BANP: variants seen among roughly 807,000 people sequenced by gnomAD.
BANP encodes BTG3 associated nuclear protein, also known as protein BANP.
BANP carries 11 observed loss-of-function variants against 68.1 expected under a neutral mutation model. The ratio of observed to expected loss-of-function variants is 0.16; its 90% confidence interval spans 0.10 to 0.27. The LOEUF (loss-of-function observed/expected upper bound fraction) is 0.27. Ranked by LOEUF, BANP falls within the 10% of genes least tolerant of loss-of-function variation. The pLI, the probability that BANP is intolerant of heterozygous loss-of-function variation, is 1.00. For missense variants in BANP, 504 were observed against 722.7 expected, an observed-to-expected ratio of 0.70 and a Z score of 3.47; for synonymous variants, 329 against 303.2, an observed-to-expected ratio of 1.09 and a Z score of -0.88.
At chr16:87,955,573 C>G (rs370565369) in intron 1 of BANP, among the ~76,000 whole-genome samples, 146 of 152,336 alleles carry the variant, frequency 9.6e-4, no homozygotes, top group African/African-American at 3.3e-3. Flanking sequence ...CTTGCTGTTT[C>G]GGGATCCCCT....
At chr16:87,976,600 G>C (rs1369787576) in intron 2 of BANP, among the ~76,000 whole-genome samples, 1 of 151,022 alleles carries the variant, frequency 6.6e-6, no homozygotes, top group Admixed American at 6.6e-5. Flanking sequence ...AGGAATGTTT[G>C]AATTGAAATG....
chr16:88,035,423 C>G lies in BANP; in HGVS notation c.1272+29C>G, dbSNP rs1396471467. On this transcript the variant is annotated intron_variant, in intron 10 of 13. Transcript: ENST00000682872. ...AGTCAGCTCTCGCTGCAGCACTGTCCCTGCAGGCACCGTGCCCACATGCTC... is the reference window on the plus strand; with the variant it reads ...AGTCAGCTCTCGCTGCAGCACTGTCGCTGCAGGCACCGTGCCCACATGCTC... 3 of 1,567,552 alleles carry G rather than the reference C, an allele frequency of 1.9e-6. No homozygotes were observed. In the Admixed American group the frequency reaches 5.3e-5, roughly 28 times the overall value.
At chr16:88,017,496 T>A (rs1320964996) in intron 6 of BANP, 1 of 152,240 alleles carries the variant, frequency 6.6e-6, no homozygotes, top group Non-Finnish European at 1.5e-5. Flanking sequence ...CATACCGTAC[T>A]TGGTCAACCT....
chr16:88,061,722 A>G lies in BANP; in HGVS notation c.1312-3545A>G, dbSNP rs540624507. ...CTTTTGTTGCCCAGGCTGGAGTGCA[A>G]TGGCACGATCTCGGCTCACCGCAAC... On this transcript the variant is annotated intron_variant, in intron 11 of 13. Coordinates refer to ENST00000682872, the MANE Select transcript of BANP (RefSeq NM_001386991.1). Among the ~76,000 whole-genome samples, 133 of 151,152 alleles carry G rather than the reference A, an allele frequency of 8.8e-4. No homozygotes were observed. In the Middle Eastern group the frequency reaches 0.014, roughly 16 times the overall value.
intron 1 of BANP, among the ~76,000 whole-genome samples, chr16:87,961,026 A>AT (rs1301235526): frequency 6.6e-6 from 1 of 152,172 alleles, no homozygotes; most frequent in Non-Finnish European, 1.5e-5. Context: ...ACTGAACAAC[A>AT]TTTGCAAGAG....
chr16:88,058,745 A>G (rs1056030519), intron 11 of BANP, among the ~76,000 whole-genome samples: 2 of 152,132 alleles, frequency 1.3e-5, no homozygotes, highest in African/African-American at 4.8e-5. Context: ...ACTCGGACCC[A>G]TGGCTGCTCT....
intron 3 of BANP, among the ~76,000 whole-genome samples, chr16:87,981,414 C>A (rs563309257): frequency 1.3e-5 from 2 of 152,226 alleles, no homozygotes; most frequent in East Asian, 3.8e-4. Context: ...GTGTCTGTGA[C>A]TGTTTCCCCT....
intron 13 of BANP, 145 bp from the exon 14 acceptor site, chr16:88,076,445 T>G: frequency 1.5e-6 from 1 of 646,152 alleles, no homozygotes; most frequent in East Asian, 3.0e-5. Flanking sequence ...CCAAGTCGGG[T>G]GAGCCTTGGG....
intron 4 of BANP, among the ~76,000 whole-genome samples, chr16:87,992,416 G>A (rs1339206040): frequency 6.6e-6 from 1 of 152,144 alleles, no homozygotes; most frequent in Non-Finnish European, 1.5e-5. Context: ...ATGTTTCTGT[G>A]AGATTAGTTT....
chr16:88,032,914 G>A (rs2078510592), intron 8 of BANP, among the ~76,000 whole-genome samples, 195 bp from the exon 9 acceptor site: 1 of 152,222 alleles, frequency 6.6e-6, no homozygotes. Context: ...TTCCATGTCG[G>A]AAGCCTCAGT....
intron 6 of BANP, among the ~76,000 whole-genome samples, chr16:88,010,750 A>G (rs2072851636): frequency 6.6e-6 from 1 of 152,262 alleles, no homozygotes; most frequent in Admixed American, 6.5e-5. Flanking sequence ...ATGCACGTGG[A>G]AAGGAGAACG....
Position 88,005,327 on chromosome 16 carries a change from C to T in BANP, c.480-763C>T, listed in dbSNP as rs551732241. Among the ~76,000 whole-genome samples the T allele has an allele frequency of 4.6e-5, 7 of 152,318 alleles. 1 individual carries two copies. The South Asian group carries it at 1.2e-3, about 27-fold the overall frequency. ...CCAGGCCAGAAAGTGCAGAGTGCAG[C>T]GCCCTCCTCTGGGTGCGGCCAGTGT... On this transcript the variant is annotated intron_variant, in intron 5 of 13. Coordinates refer to ENST00000682872, the MANE Select transcript of BANP (RefSeq NM_001386991.1).
intron 11 of BANP, among the ~76,000 whole-genome samples, chr16:88,052,759 A>G (rs1238849233): frequency 6.6e-6 from 1 of 151,494 alleles, no homozygotes; most frequent in Non-Finnish European, 1.5e-5. Flanking sequence ...CACCTTTACC[A>G]TTACCATCTC....
At chr16:87,963,538 G>C (rs1402138133) in intron 1 of BANP, 1 of 152,244 alleles carries the variant, frequency 6.6e-6, no homozygotes, top group Non-Finnish European at 1.5e-5. Context: ...ACACATCTGG[G>C]CTATATTGTT....
chr16:87,978,841 C>G, intron 2 of BANP: 1 of 324,210 alleles, frequency 3.1e-6, no homozygotes, highest in South Asian at 2.3e-5. Flanking sequence ...CCCCATCACA[C>G]AGCAAGCGTC....
rs1237758852 is a variant in BANP, at chr16:88,072,054, T to C, written c.1378-15T>C. ...GGGCCACGCCGCTGACGGGCCCCCG[T>C]GTGTCTCCCTCCAGGTGCTGCAGGG... is the stretch of plus-strand genomic sequence containing the variant. On this transcript the variant is annotated splice_polypyrimidine_tract_variant and intron_variant, in intron 12 of 13. Coordinates refer to ENST00000682872, the MANE Select transcript of BANP (RefSeq NM_001386991.1). 1 of 1,560,470 alleles carries C rather than the reference T, an allele frequency of 6.4e-7. No homozygotes were observed. Among genetic ancestry groups the C allele is most frequent in the Admixed American group, 1.9e-5 (1 of 51,772 alleles).
At position 88,003,548 on chromosome 16, in the gene BANP, T is replaced by C. The variant is rs1245659553; in HGVS notation, c.363-747T>C. 2.2e-6 allele frequency: 1 copy of C among 456,246 alleles called. No individual in the cohort carries two copies. The allele number at this position is 456,246 out of a possible 1,614,324, so 28.3% of individuals were successfully genotyped here. ...GAAAGTGCTAAGGCTTAAAAACGCA[T>C]GATTGAAAACTGTGGGTGAGTCTGT... On this transcript the variant is annotated intron_variant, in intron 4 of 13. Transcript: ENST00000682872. This position sits in a 1 kb window ranked among gnomAD's most constrained non-coding sequence, Gnocchi z 6.1.
intron 11 of BANP, 119 bp downstream of exon 11, chr16:88,038,130 C>T (rs1424795318): frequency 6.0e-5 from 33 of 551,502 alleles, no homozygotes; most frequent in South Asian, 2.7e-4. Flanking sequence ...GTGGGCATTG[C>T]GCTGCCGAGG....
In BANP at chr16:88,064,011, G is replaced by A. The variant is rs757617241; in HGVS notation, c.1312-1256G>A. Among the ~76,000 whole-genome samples the A allele has an allele frequency of 6.6e-6, 1 of 152,208 alleles. No individual in the cohort carries two copies. The highest frequency in any genetic ancestry group is 1.5e-5 in the Non-Finnish European group (1 of 68,036). ...AGCGAAACACTTAATGTACACTTAA[G>A]ATTCGAAGAAAGAGGTACCGGGGCT... is the stretch of plus-strand genomic sequence containing the variant. On this transcript the variant is annotated intron_variant, in intron 11 of 13. Coordinates refer to ENST00000682872, the MANE Select transcript of BANP (RefSeq NM_001386991.1). The surrounding 1 kb of genome is among the most constrained non-coding windows in gnomAD (Gnocchi z 4.5).
Sources: allele counts gnomAD v4.1 joint callset (sites outside exome capture counted in the v4.1 genomes callset), GRCh38; gene constraint gnomAD v4.1.1; non-coding constraint Gnocchi (gnomAD v3.1); transcripts MANE v1.5; gene names NCBI Gene and HGNC (gene_info 2026-07-23, HGNC 2026-07-21).